Variants in CTIF observed in about 807,000 individuals in gnomAD.
CTIF encodes the protein cap binding complex dependent translation initiation factor.
A neutral mutation model predicts 66.0 loss-of-function variants in CTIF; 21 were observed. The observed-to-expected ratio is 0.32, with a 90% CI of 0.23 to 0.46. CTIF has a LOEUF of 0.46. Ranked by LOEUF, CTIF falls within the 20% of genes least tolerant of loss-of-function variation. The probability of loss-of-function intolerance (pLI) is 1.00; values close to 1 mark genes in which losing one functional copy is unlikely to be tolerated. For missense variants in CTIF, 739 were observed against 812.7 expected (o/e 0.91, Z 1.10); for synonymous variants, 345 against 326.4 (o/e 1.06, Z -0.62).
At chr18:48,660,300 G>A (rs896407009) in intron 3 of CTIF, among the ~76,000 whole-genome samples, 1 of 151,824 alleles carries the variant, frequency 6.6e-6, no homozygotes, top group African/African-American at 2.4e-5. Context: ...AGGAGCACTG[G>A]TTGCCACCGT....
chr18:48,699,019 C>G (rs1043582261), intron 6 of CTIF, among the ~76,000 whole-genome samples: 1 of 152,114 alleles, frequency 6.6e-6, no homozygotes, highest in Admixed American at 6.6e-5. Flanking sequence ...ACCCTCTGTC[C>G]CTCCAGCACC....
At chr18:48,847,802 A>G (rs892081047) in intron 10 of CTIF, among the ~76,000 whole-genome samples, 2 of 152,228 alleles carry the variant, frequency 1.3e-5, no homozygotes, top group African/African-American at 2.4e-5. Context: ...GGCTGGTCTT[A>G]GTGTGTAGCA....
intron 2 of CTIF, chr18:48,625,326 C>T (rs944064043): frequency 1.2e-5 from 6 of 489,066 alleles, no homozygotes; most frequent in Non-Finnish European, 1.6e-5. Context: ...CTAAATTATA[C>T]AAGTACTTTA....
At chr18:48,834,261 C>T (rs568290996) in intron 10 of CTIF, among the ~76,000 whole-genome samples, 1 of 152,312 alleles carries the variant, frequency 6.6e-6, no homozygotes, top group African/African-American at 2.4e-5. Flanking sequence ...CAGCCGTAGA[C>T]GATATGCAAA....
intron 7 of CTIF, among the ~76,000 whole-genome samples, chr18:48,713,305 C>T (rs1461495304): frequency 6.6e-6 from 1 of 152,126 alleles, no homozygotes; most frequent in African/African-American, 2.4e-5. Flanking sequence ...CCCGAGCTTC[C>T]TGATGAGAAG....
intron 7 of CTIF, among the ~76,000 whole-genome samples, chr18:48,736,817 G>A (rs2092507760): frequency 6.6e-6 from 1 of 152,172 alleles, no homozygotes; most frequent in African/African-American, 2.4e-5. Context: ...CCTCCTGTCA[G>A]GGCAGGCCAG....
At chr18:48,709,893 C>T (rs767017399) in intron 6 of CTIF, among the ~76,000 whole-genome samples, 33 of 152,308 alleles carry the variant, frequency 2.2e-4, no homozygotes, top group South Asian at 1.2e-3. Flanking sequence ...GCAAGAGAGA[C>T]GGGGGTGAGA....
At chr18:48,551,008 T>A (rs557335107) in intron 1 of CTIF, among the ~76,000 whole-genome samples, 2 of 152,008 alleles carry the variant, frequency 1.3e-5, no homozygotes, top group Middle Eastern at 6.8e-3. Context: ...GGCTGAATTG[T>A]GTCCTCTCAA....
At chr18:48,646,544 C>T (rs965706896) in intron 3 of CTIF, among the ~76,000 whole-genome samples, 10 of 151,506 alleles carry the variant, frequency 6.6e-5, no homozygotes, top group African/African-American at 1.9e-4. Context: ...GCCAGGAGTT[C>T]GAGACCAGCC....
At position 48,771,002 on chromosome 18, in the gene CTIF, C is replaced by T. The variant is rs149292593; in HGVS notation, c.1371+9313C>T. On this transcript the variant is annotated intron_variant, in intron 9 of 11. Coordinates refer to ENST00000256413, the MANE Select transcript of CTIF (RefSeq NM_014772.3). ...TTGGGCAGCATTTCCATTTCCCCCC[C>T]CTACGCTGATTAAATGTGGAACAAT... Among the ~76,000 whole-genome samples the T allele has an allele frequency of 4.3e-4, 66 of 152,238 alleles. No homozygotes were observed. The East Asian group carries it at 5.6e-3, about 13-fold the overall frequency.
Position 48,819,031 on chromosome 18 carries a change from G to C in CTIF, c.1527+1655G>C, listed in dbSNP as rs2068427987. On this transcript the variant is annotated intron_variant, in intron 10 of 11. Coordinates refer to ENST00000256413, the MANE Select transcript of CTIF (RefSeq NM_014772.3). ...GAGTGTATTTATGAGTGTTTTTGAA[G>C]CATCCGTTTATAGAACAATAGCATG... Among the ~76,000 whole-genome samples the C allele has an allele frequency of 2.0e-5, 3 of 152,148 alleles. 1 individual carries two copies. Among genetic ancestry groups the C allele is most frequent in the African/African-American group, 7.2e-5 (3 of 41,428 alleles).
At chr18:48,712,137 T>TG (rs1335365028) in intron 7 of CTIF, among the ~76,000 whole-genome samples, 7 of 152,124 alleles carry the variant, frequency 4.6e-5, no homozygotes, top group Non-Finnish European at 1.0e-4. Context: ...CCCTGGTCAT[T>TG]GGGGGTTGTC....
At chr18:48,843,363 C>T (rs945541797) in intron 10 of CTIF, among the ~76,000 whole-genome samples, 1 of 152,102 alleles carries the variant, frequency 6.6e-6, no homozygotes, top group Non-Finnish European at 1.5e-5. Context: ...TCCCAGTGAC[C>T]ATAACTCCAT....
intron 1 of CTIF, among the ~76,000 whole-genome samples, chr18:48,617,245 A>G (rs2090416386): frequency 6.6e-6 from 1 of 152,234 alleles, no homozygotes; most frequent in Non-Finnish European, 1.5e-5. Flanking sequence ...TCAAGCCAGC[A>G]ACAGTGCATT....
chr18:48,813,208 A>G (rs1443279014), intron 9 of CTIF, among the ~76,000 whole-genome samples: 2 of 152,130 alleles, frequency 1.3e-5, no homozygotes, highest in Non-Finnish European at 2.9e-5. Flanking sequence ...CCTGTCTCAC[A>G]CTTCATTTCA....
chr18:48,678,444 A>T (rs1435979517), intron 6 of CTIF, among the ~76,000 whole-genome samples: 2 of 151,848 alleles, frequency 1.3e-5, no homozygotes, highest in Non-Finnish European at 2.9e-5. Context: ...CTCCCTCAGG[A>T]CAAAAATAGG....
chr18:48,743,471 T>G (rs1187758157), intron 7 of CTIF, among the ~76,000 whole-genome samples: 3 of 152,266 alleles, frequency 2.0e-5, no homozygotes, highest in African/African-American at 7.2e-5. Flanking sequence ...TTTCTTTTTA[T>G]GCCTTATATA....
chr18:48,753,739 G>C (rs886948286), intron 7 of CTIF, among the ~76,000 whole-genome samples: 2 of 152,176 alleles, frequency 1.3e-5, no homozygotes, highest in Admixed American at 1.3e-4. Flanking sequence ...TTGGGTTTTT[G>C]CCCTTCTTAC....
intron 9 of CTIF, among the ~76,000 whole-genome samples, chr18:48,786,051 C>T (rs1185078267): frequency 6.6e-6 from 1 of 152,128 alleles, no homozygotes; most frequent in African/African-American, 2.4e-5. Flanking sequence ...TCTCCCTCAT[C>T]CCAAAGCCCA....
Sources: allele counts gnomAD v4.1 joint callset (sites outside exome capture counted in the v4.1 genomes callset), GRCh38; gene constraint gnomAD v4.1.1; transcripts MANE v1.5; gene names NCBI Gene and HGNC (gene_info 2026-07-23, HGNC 2026-07-21).